The following LHFPL2 variants were observed in gnomAD, a reference collection of about 807,000 sequenced individuals.
LHFPL2 encodes the protein LHFPL tetraspan subfamily member 2 protein.
A neutral mutation model predicts 17.5 loss-of-function variants in LHFPL2; 7 were observed. The observed-to-expected ratio is 0.40, with a 90% CI of 0.23 to 0.75. The LOEUF is 0.75. Among genes scored for constraint, LHFPL2 ranks in the 30% least tolerant of loss-of-function variants. The pLI is 0.37. For missense variants in LHFPL2, 241 were observed against 294.8 expected (o/e 0.82, Z 1.34); for synonymous variants, 134 against 116.2 (o/e 1.15, Z -0.99).
At chr5:78,497,514 C>G (rs1754644776) in intron 4 of LHFPL2, among the ~76,000 whole-genome samples, 1 of 152,200 alleles carries the variant, frequency 6.6e-6, no homozygotes, top group South Asian at 2.1e-4. Flanking sequence ...GAACTTTATG[C>G]AGTTTGTTCT....
At chr5:78,610,865 A>C (rs1403738240) in intron 2 of LHFPL2, among the ~76,000 whole-genome samples, 1 of 151,952 alleles carries the variant, frequency 6.6e-6, no homozygotes, top group Non-Finnish European at 1.5e-5. Flanking sequence ...CAATATTCTG[A>C]CACATATCAT....
Position 78,585,038 on chromosome 5 carries a change from G to A in LHFPL2, c.-244-20167C>T, listed in dbSNP as rs1470436015. On this transcript the variant is annotated intron_variant, in intron 2 of 4. Transcript: ENST00000380345. Reference sequence around the variant, plus strand: ...TTTTTTTTTTTTGAGACGGAGTCTCGCTCTGTCGCCCAGGCTGGAGTGCAG... The same window carrying A: ...TTTTTTTTTTTTGAGACGGAGTCTCACTCTGTCGCCCAGGCTGGAGTGCAG... Among the ~76,000 whole-genome samples, 119 of 58,604 alleles carry A rather than the reference G, an allele frequency of 2.0e-3. 12 individuals are homozygous for A. Among genetic ancestry groups the A allele is most frequent in the African/African-American group, 6.7e-3 (112 of 16,742 alleles). The allele number at this position is 58,604 out of a possible 152,430, so 38.4% of individuals were successfully genotyped here. A position where few individuals can be genotyped will look rare whatever the true frequency, so the allele number is the denominator to read the frequency against.
chr5:78,610,144 G>A (rs946155878), intron 2 of LHFPL2, among the ~76,000 whole-genome samples: 1 of 152,076 alleles, frequency 6.6e-6, no homozygotes, highest in Admixed American at 6.5e-5. Context: ...CCCCACCCCA[G>A]GCAGACCACC....
chr5:78,531,437 AAAT>A (rs1755782203), intron 3 of LHFPL2, among the ~76,000 whole-genome samples: 2 of 151,872 alleles, frequency 1.3e-5, no homozygotes, highest in Non-Finnish European at 2.9e-5. Flanking sequence ...AAAAAAAAAA[AAAT>A]TCACAATGAA....
intron 1 of LHFPL2, among the ~76,000 whole-genome samples, chr5:78,635,999 G>GACAGAC (rs139140316): frequency 2.0e-5 from 3 of 150,776 alleles, no homozygotes; most frequent in Admixed American, 6.6e-5. Context: ...CACACACACA[G>GACAGAC]ACACACACAC....
chr5:78,623,252 T>C (rs1035483214), intron 2 of LHFPL2, among the ~76,000 whole-genome samples: 1 of 152,250 alleles, frequency 6.6e-6, no homozygotes, highest in Admixed American at 6.5e-5. Context: ...CCAATCTTCT[T>C]GCTTATTAAC....
At chr5:78,546,768 A>G (rs1218065814) in intron 3 of LHFPL2, among the ~76,000 whole-genome samples, 1 of 152,208 alleles carries the variant, frequency 6.6e-6, no homozygotes, top group Admixed American at 6.5e-5. Context: ...ACACAGAAAC[A>G]TCTATTTGTT....
intron 2 of LHFPL2, among the ~76,000 whole-genome samples, chr5:78,597,571 G>A (rs1006876569): frequency 2.6e-5 from 4 of 152,170 alleles, no homozygotes; most frequent in African/African-American, 7.2e-5. Context: ...GGAAGACTGT[G>A]AACAAGCAGC....
chr5:78,593,089 G>A (rs968869138), intron 2 of LHFPL2, among the ~76,000 whole-genome samples: 3 of 151,964 alleles, frequency 2.0e-5, no homozygotes, highest in Non-Finnish European at 2.9e-5. Context: ...CTCTGTCCCC[G>A]GTGTCTGGTT....
In LHFPL2 at chr5:78,488,845, G is replaced by T; in HGVS notation, c.*52C>A. On this transcript the variant is annotated 3_prime_UTR_variant, in exon 5 of 5. Transcript: ENST00000380345. The stretch of plus-strand genomic sequence containing the variant: ...CACTTGACTCAAATGATGAAACTGT[G>T]GACTGTTTCACAAGATTACTCAAGG... The T allele has an allele frequency of 6.3e-7, 1 of 1,586,162 alleles. No homozygotes were observed. The highest frequency in any genetic ancestry group is 1.1e-5 in the South Asian group (1 of 89,698).
intron 2 of LHFPL2, among the ~76,000 whole-genome samples, chr5:78,592,111 T>C (rs1743646714): frequency 1.3e-5 from 2 of 152,176 alleles, no homozygotes; most frequent in African/African-American, 4.8e-5. Context: ...TAACAGGCAG[T>C]ACAATAGTCC....
chr5:78,615,483 T>C (rs374446390), intron 2 of LHFPL2, among the ~76,000 whole-genome samples: 20 of 152,312 alleles, frequency 1.3e-4, no homozygotes, highest in African/African-American at 4.3e-4. Context: ...CAAGGCTCAA[T>C]AGCTAACAGA....
chr5:78,519,572 G>C (rs977397207), intron 3 of LHFPL2, among the ~76,000 whole-genome samples: 2 of 152,218 alleles, frequency 1.3e-5, no homozygotes, highest in African/African-American at 4.8e-5. Flanking sequence ...GTCCTCAGTA[G>C]TGACCTTAGG....
chr5:78,490,367 T>C (rs1295442525), intron 4 of LHFPL2, among the ~76,000 whole-genome samples: 1 of 151,956 alleles, frequency 6.6e-6, no homozygotes. Context: ...TGACAGTAGC[T>C]CCTCCCAAAA....
chr5:78,611,340 T>C (rs1172381146), intron 2 of LHFPL2, among the ~76,000 whole-genome samples: 1 of 152,212 alleles, frequency 6.6e-6, no homozygotes, highest in African/African-American at 2.4e-5. Flanking sequence ...GAACTCCACC[T>C]GGGCTTTGAA....
At chr5:78,528,604 C>A (rs1755690253) in intron 3 of LHFPL2, among the ~76,000 whole-genome samples, 1 of 152,200 alleles carries the variant, frequency 6.6e-6, no homozygotes, top group Non-Finnish European at 1.5e-5. Context: ...TGTTTGTACA[C>A]TGGTTATAGA....
chr5:78,583,243 CA>C (rs1212729243), intron 2 of LHFPL2, among the ~76,000 whole-genome samples: 1 of 151,634 alleles, frequency 6.6e-6, no homozygotes, highest in Non-Finnish European at 1.5e-5. Flanking sequence ...TCCAATTTGC[CA>C]GTCTGTGTCT....
At chr5:78,524,804 T>C (rs1428254157) in intron 3 of LHFPL2, among the ~76,000 whole-genome samples, 1 of 151,886 alleles carries the variant, frequency 6.6e-6, no homozygotes. Flanking sequence ...AGGAATCTCA[T>C]GAAATGTTTT....
chr5:78,520,965 C>T (rs547133538), intron 3 of LHFPL2, among the ~76,000 whole-genome samples: 1 of 152,262 alleles, frequency 6.6e-6, no homozygotes, highest in African/African-American at 2.4e-5. Flanking sequence ...GAATCACGAA[C>T]AATTTGATAG....
Sources: allele counts gnomAD v4.1 joint callset (sites outside exome capture counted in the v4.1 genomes callset), GRCh38; gene constraint gnomAD v4.1.1; transcripts MANE v1.5; gene names NCBI Gene and HGNC (gene_info 2026-07-23, HGNC 2026-07-21).